Variants in C1QTNF7 observed in about 807,000 individuals in gnomAD.
C1QTNF7 encodes the protein complement C1q tumor necrosis factor-related protein 7.
A neutral mutation model predicts 19.6 loss-of-function variants in C1QTNF7; 15 were observed. That is an observed-to-expected ratio of 0.76 (90% CI 0.51 to 1.18). C1QTNF7 has a LOEUF of 1.18. Ranked by LOEUF, C1QTNF7 falls within the 50% of genes most tolerant of loss-of-function variation. The pLI, the probability that C1QTNF7 is intolerant of heterozygous loss-of-function variation, is 0.00. For synonymous variants in C1QTNF7, 142 were observed against 137.5 expected, an observed-to-expected ratio of 1.03 and a Z score of -0.23; for missense variants, 324 against 359.7, an observed-to-expected ratio of 0.90 and a Z score of 0.80.
intron 1 of C1QTNF7, among the ~76,000 whole-genome samples, chr4:15,341,149 A>G (rs1716522941): frequency 6.6e-6 from 1 of 152,212 alleles, no homozygotes; most frequent in South Asian, 2.1e-4. Flanking sequence ...TCCTTCACGC[A>G]CACAAGCGTG....
At chr4:15,367,520 T>C (rs1278170430) in intron 1 of C1QTNF7, among the ~76,000 whole-genome samples, 1 of 152,208 alleles carries the variant, frequency 6.6e-6, no homozygotes, top group Non-Finnish European at 1.5e-5. Context: ...ATGCAGCCGA[T>C]GCAGCTCACT....
At chr4:15,355,835 G>C (rs1348846166) in intron 1 of C1QTNF7, among the ~76,000 whole-genome samples, 1 of 152,080 alleles carries the variant, frequency 6.6e-6, no homozygotes, top group Non-Finnish European at 1.5e-5. Flanking sequence ...CCTCTGTAAT[G>C]CTCAATAAAT....
chr4:15,426,945 G>A (rs1338024237), upstream of C1QTNF7, among the ~76,000 whole-genome samples: 1 of 152,198 alleles, frequency 6.6e-6, no homozygotes, highest in African/African-American at 2.4e-5. Context: ...CAGACACAGA[G>A]ACTTTATCTG....
chr4:15,390,740 C>T (rs1425851041), intron 1 of C1QTNF7, among the ~76,000 whole-genome samples: 3 of 152,146 alleles, frequency 2.0e-5, no homozygotes, highest in East Asian at 3.9e-4. Flanking sequence ...TTCCAGACTT[C>T]CCTGAACACT....
chr4:15,342,882 T>C (rs1028429498), intron 1 of C1QTNF7, among the ~76,000 whole-genome samples: 6 of 152,360 alleles, frequency 3.9e-5, no homozygotes, highest in African/African-American at 1.4e-4. Context: ...CACAAACATC[T>C]GGCTTCAAAT....
intron 1 of C1QTNF7, among the ~76,000 whole-genome samples, chr4:15,432,031 G>A (rs982115293): frequency 6.6e-6 from 1 of 152,296 alleles, no homozygotes; most frequent in East Asian, 1.9e-4. Flanking sequence ...TGAAGAAGTA[G>A]CTATATAGAC....
chr4:15,381,379 G>A (rs1390140491), intron 1 of C1QTNF7, among the ~76,000 whole-genome samples: 3 of 146,666 alleles, frequency 2.0e-5, no homozygotes, highest in Non-Finnish European at 3.0e-5. Context: ...CAGAGATGGC[G>A]CCACTGCACT....
chr4:15,398,539 C>T (rs1718872580), intron 1 of C1QTNF7, among the ~76,000 whole-genome samples: 1 of 152,184 alleles, frequency 6.6e-6, no homozygotes, highest in South Asian at 2.1e-4. Flanking sequence ...GGTCTAGGCT[C>T]AGGACTCCTC....
intron 1 of C1QTNF7, among the ~76,000 whole-genome samples, chr4:15,350,805 GC>G (rs752557241): frequency 5.3e-5 from 8 of 152,210 alleles, no homozygotes; most frequent in Non-Finnish European, 1.0e-4. Context: ...CAGGATAGCT[GC>G]CCCGGAGAAA....
intron 1 of C1QTNF7, among the ~76,000 whole-genome samples, chr4:15,343,475 G>A (rs534788379): frequency 6.6e-6 from 1 of 151,868 alleles, no homozygotes; most frequent in African/African-American, 2.4e-5. Context: ...CTTTTAGGAG[G>A]AAAAGTGTCA....
At chr4:15,419,662 G>A (rs942085134) in intron 1 of C1QTNF7, among the ~76,000 whole-genome samples, 3 of 151,958 alleles carry the variant, frequency 2.0e-5, no homozygotes, top group Admixed American at 6.6e-5. Flanking sequence ...TTTCGTGAGC[G>A]TATATTTAAA....
At chr4:15,339,822 GA>G (rs1447923476), upstream of C1QTNF7, 4 of 282,876 alleles carry the variant, frequency 1.4e-5, no homozygotes, top group Non-Finnish European at 2.7e-5. Flanking sequence ...GTTTGCAGAA[GA>G]ACACTACCCA....
intron 1 of C1QTNF7, among the ~76,000 whole-genome samples, chr4:15,349,440 G>A (rs1716827676): frequency 6.6e-6 from 1 of 152,080 alleles, no homozygotes; most frequent in South Asian, 2.1e-4. Flanking sequence ...AATTTCAGTT[G>A]GCTCTTTCTA....
At chr4:15,358,621 T>C (rs1479945473) in intron 1 of C1QTNF7, 1 of 152,152 alleles carries the variant, frequency 6.6e-6, no homozygotes, top group African/African-American at 2.4e-5. Context: ...TCAATTAAAG[T>C]TTGCCTCTTG....
intron 1 of C1QTNF7, among the ~76,000 whole-genome samples, chr4:15,420,958 G>C (rs959394063): frequency 3.4e-5 from 5 of 146,068 alleles, no homozygotes; most frequent in Non-Finnish European, 7.5e-5. Context: ...ACATTGTTTT[G>C]GCTGGAAGTG....
intron 1 of C1QTNF7, among the ~76,000 whole-genome samples, chr4:15,377,267 TG>T (rs1200683668): frequency 1.3e-5 from 2 of 152,242 alleles, no homozygotes; most frequent in Non-Finnish European, 2.9e-5. Flanking sequence ...TGGATTACCC[TG>T]TGGTCAGAAT....
intron 1 of C1QTNF7, among the ~76,000 whole-genome samples, chr4:15,432,285 C>T (rs954853243): frequency 2.6e-5 from 4 of 152,192 alleles, no homozygotes; most frequent in African/African-American, 9.6e-5. Context: ...GTGATTTTTC[C>T]ATTATAATGC....
intron 1 of C1QTNF7, among the ~76,000 whole-genome samples, chr4:15,416,348 G>A (rs774550132): frequency 8.5e-5 from 13 of 152,158 alleles, no homozygotes; most frequent in Non-Finnish European, 1.8e-4. Flanking sequence ...ATAGGCTCTG[G>A]CACTGGGCAG....
chr4:15,433,567 A>G (rs1309828457), intron 1 of C1QTNF7, among the ~76,000 whole-genome samples: 1 of 152,194 alleles, frequency 6.6e-6, no homozygotes, highest in African/African-American at 2.4e-5. Flanking sequence ...ACAAGACAAG[A>G]ACTTAAGATT....
Sources: allele counts gnomAD v4.1 joint callset (sites outside exome capture counted in the v4.1 genomes callset), GRCh38; gene constraint gnomAD v4.1.1; transcripts MANE v1.5; gene names NCBI Gene and HGNC (gene_info 2026-07-23, HGNC 2026-07-21).